The following ALG9 variants were observed in gnomAD, a reference collection of about 807,000 sequenced individuals.
ALG9 encodes ALG9 alpha-1,2-mannosyltransferase.
Under a neutral mutation model 81.8 loss-of-function variants are expected in ALG9, and 55 were observed. The observed-to-expected ratio is 0.67, with a 90% CI of 0.54 to 0.84. ALG9 has a LOEUF of 0.84. Ranked by LOEUF, ALG9 falls within the 40% of genes least tolerant of loss-of-function variation. The probability of loss-of-function intolerance (pLI) is 0.00; values close to 1 mark genes in which losing one functional copy is unlikely to be tolerated. For missense variants in ALG9, 629 were observed against 745.0 expected, an observed-to-expected ratio of 0.84 and a Z score of 1.81; for synonymous variants, 278 against 274.3, an observed-to-expected ratio of 1.01 and a Z score of -0.13.
At position 111,782,263 on chromosome 11, in the gene ALG9, A is replaced by G. The variant is rs1555057374; in HGVS notation, c.*4134T>C. 1 of 152,284 alleles carries G rather than the reference A, an allele frequency of 6.6e-6. No individual in the cohort carries two copies. Among genetic ancestry groups the G allele is most frequent in the Non-Finnish European group, 1.5e-5 (1 of 68,050 alleles). 9.4% of individuals were successfully genotyped at this position (152,284 alleles called of 1,614,324 possible). A position where few individuals can be genotyped will look rare whatever the true frequency, so the allele number is the denominator to read the frequency against. ...ATAAGTATGTAATGTAAACACCGAC[A>G]CGTGAAATAAAGTACAAGGATCAGG... On this transcript the variant is annotated 3_prime_UTR_variant, in exon 15 of 15. Coordinates refer to ENST00000616540, the MANE Select transcript of ALG9 (RefSeq NM_024740.2).
At chr11:111,848,434 C>T (rs2136981703) in intron 8 of ALG9, among the ~76,000 whole-genome samples, 1 of 151,930 alleles carries the variant, frequency 6.6e-6, no homozygotes, top group Middle Eastern at 3.4e-3. Flanking sequence ...CCCATCTCTA[C>T]TAAAAATTAG....
At chr11:111,832,628 T>C (rs144280921) in intron 13 of ALG9, among the ~76,000 whole-genome samples, 32 of 152,358 alleles carry the variant, frequency 2.1e-4, no homozygotes, top group African/African-American at 7.7e-4. Flanking sequence ...CTAACTCCGT[T>C]TTCCCAATAA....
intron 8 of ALG9, among the ~76,000 whole-genome samples, chr11:111,851,540 T>C (rs1481233701): frequency 2.0e-5 from 3 of 151,222 alleles, no homozygotes; most frequent in African/African-American, 4.9e-5. Flanking sequence ...AAAAAATCTG[T>C]CACTTTCATA....
intron 4 of ALG9, 59 bp from the exon 5 acceptor site, chr11:111,860,694 A>C: frequency 4.5e-6 from 6 of 1,334,114 alleles, no homozygotes; most frequent in Non-Finnish European, 6.3e-6. Flanking sequence ...ATTTCAAATC[A>C]AAGGAGAAAA....
At chr11:111,810,370 T>A (rs186692946) in intron 13 of ALG9, among the ~76,000 whole-genome samples, 365 of 152,322 alleles carry the variant, frequency 2.4e-3, no homozygotes, top group African/African-American at 8.4e-3. Flanking sequence ...TAATATTGTA[T>A]ATTAACAAAA....
intron 8 of ALG9, among the ~76,000 whole-genome samples, chr11:111,847,039 GATA>G (rs1349949447): frequency 6.6e-6 from 1 of 152,048 alleles, no homozygotes; most frequent in African/African-American, 2.4e-5. Context: ...TAAAAGAAGG[GATA>G]ATGTTTACTG....
intron 13 of ALG9, among the ~76,000 whole-genome samples, chr11:111,825,282 G>A (rs2136641917): frequency 6.6e-6 from 1 of 152,256 alleles, no homozygotes; most frequent in South Asian, 2.1e-4. Context: ...TAATCCCTAT[G>A]CCAGGCATTG....
At chr11:111,835,358 T>C (rs1955061337) in intron 13 of ALG9, among the ~76,000 whole-genome samples, 1 of 152,220 alleles carries the variant, frequency 6.6e-6, no homozygotes, top group African/African-American at 2.4e-5. Flanking sequence ...AGTGTCATCT[T>C]TCAAAGGAAC....
Position 111,865,231 on chromosome 11 carries a change from C to T in ALG9, c.426G>A (p.Leu142=), listed in dbSNP as rs1235844571. Reference sequence around the variant, plus strand: ...AGCTCACAAAAGCCAGAAGACATCGCAAAAAGTAAAACACAAGAATCTAAA... The same window carrying T: ...AGCTCACAAAAGCCAGAAGACATCGTAAAAAGTAAAACACAAGAATCTAAA... ...QTNKILVFYF[L]RCLLAFVSCI... Residue 142 remains leucine (L), a synonymous_variant, in exon 4 of 15, where the codon TTG becomes TTA. Coordinates refer to ENST00000616540, the MANE Select transcript of ALG9 (RefSeq NM_024740.2). 2 of 1,551,568 alleles carry T rather than the reference C, an allele frequency of 1.3e-6. No homozygotes were observed. Among genetic ancestry groups the T allele is most frequent in the Non-Finnish European group, 1.7e-6 (2 of 1,147,284 alleles).
At chr11:111,812,079 C>T (rs1950800520) in intron 13 of ALG9, among the ~76,000 whole-genome samples, 1 of 151,846 alleles carries the variant, frequency 6.6e-6, no homozygotes, top group Admixed American at 6.6e-5. Context: ...TAAAGTAGAC[C>T]TTATTAATGT....
chr11:111,819,967 G>C (rs782581521), intron 13 of ALG9, among the ~76,000 whole-genome samples: 29 of 152,230 alleles, frequency 1.9e-4, no homozygotes, highest in Non-Finnish European at 3.2e-4. Context: ...CAGCTTATTT[G>C]TAAGTGCCAA....
chr11:111,788,336 G>A (rs1273186572), intron 14 of ALG9: 1 of 447,500 alleles, frequency 2.2e-6, no homozygotes, highest in South Asian at 1.6e-5. Context: ...CACTTCAACA[G>A]TGAACTCTAT....
chr11:111,860,672 T>C lies in ALG9; in HGVS notation c.477-37A>G, dbSNP rs782440278. 7 of 1,494,096 alleles carry C rather than the reference T, an allele frequency of 4.7e-6. No homozygotes were observed. The South Asian group carries it at 5.8e-5, about 12-fold the overall frequency. The allele number at this position is 1,494,096 out of a possible 1,614,324, so 92.6% of individuals were successfully genotyped here. A position where few individuals can be genotyped will look rare whatever the true frequency, so the allele number is the denominator to read the frequency against. ...GCAAAGACTATCAGCATTGAGAATA[T>C]TAGGAATAGACATTTCAAATCAAAG... On this transcript the variant is annotated intron_variant, in intron 4 of 14. Transcript: ENST00000616540.
chr11:111,816,705 T>G (rs1951531572), intron 13 of ALG9, among the ~76,000 whole-genome samples: 1 of 152,122 alleles, frequency 6.6e-6, no homozygotes, highest in Non-Finnish European at 1.5e-5. Flanking sequence ...CACAGGCATG[T>G]GCCACCATGC....
intron 14 of ALG9, 97 bp from the exon 15 acceptor site, chr11:111,786,617 G>C: frequency 7.5e-7 from 1 of 1,337,892 alleles, no homozygotes; most frequent in Non-Finnish European, 1.0e-6. Flanking sequence ...TCTGTAGTAA[G>C]GATTATATTT....
At chr11:111,816,436 A>T (rs535340404) in intron 13 of ALG9, among the ~76,000 whole-genome samples, 1 of 151,888 alleles carries the variant, frequency 6.6e-6, no homozygotes, top group South Asian at 2.1e-4. Context: ...TTTTGTAGAG[A>T]CGGGGGTCTT....
At chr11:111,870,727 CAATG>C in intron 1 of ALG9, 1 of 1,031,250 alleles carries the variant, frequency 9.7e-7, no homozygotes, top group South Asian at 3.5e-5. Context: ...CACTTTAGCT[CAATG>C]CATTTATGTC....
intron 13 of ALG9, 102 bp from the exon 14 acceptor site, chr11:111,809,875 A>G (rs1375642926): frequency 3.0e-6 from 4 of 1,331,532 alleles, no homozygotes; most frequent in East Asian, 2.3e-5. Flanking sequence ...CTTTGGAGGA[A>G]CAAACATCCA....
At chr11:111,798,309 GA>G in intron 14 of ALG9, 1 of 182,846 alleles carries the variant, frequency 5.5e-6, no homozygotes, top group Non-Finnish European at 1.2e-5. Context: ...ACAGTGGGTG[GA>G]AAGTGGCTGT....
Sources: gnomAD v4.1 joint callset for allele counts (sites outside exome capture counted in the v4.1 genomes callset) on GRCh38, gnomAD v4.1.1 for gene constraint, MANE v1.5 for transcripts, NCBI Gene and HGNC (gene_info 2026-07-23, HGNC 2026-07-21) for gene names.